The following FAF1 variants were observed in gnomAD, a reference collection of about 807,000 sequenced individuals.
FAF1 encodes FAS-associated factor 1.
In FAF1, 25 loss-of-function variants were observed where a neutral mutation model predicts 92.5. That is an observed-to-expected ratio of 0.27 (90% CI 0.20 to 0.38). FAF1 has a LOEUF of 0.38. FAF1 is among the 10% of genes least tolerant of loss of function. The pLI, the probability that FAF1 is intolerant of heterozygous loss-of-function variation, is 1.00. For missense variants in FAF1, 636 were observed against 793.3 expected, an observed-to-expected ratio of 0.80 and a Z score of 2.38; for synonymous variants, 234 against 273.2, an observed-to-expected ratio of 0.86 and a Z score of 1.42.
chr1:50,818,271 G>T (rs1557542345), intron 2 of FAF1, among the ~76,000 whole-genome samples: 1 of 152,168 alleles, frequency 6.6e-6, no homozygotes. Flanking sequence ...GGAACAAGTG[G>T]AACTCTCATA....
chr1:50,927,656 G>A (rs77685156), intron 1 of FAF1, among the ~76,000 whole-genome samples: 1 of 152,000 alleles, frequency 6.6e-6, no homozygotes, highest in Non-Finnish European at 1.5e-5. Context: ...AAAGGTGAGG[G>A]GTAATTGAAT....
chr1:50,643,300 T>A (rs1439989864), intron 8 of FAF1, among the ~76,000 whole-genome samples: 1 of 152,194 alleles, frequency 6.6e-6, no homozygotes, highest in Admixed American at 6.5e-5. Context: ...TCATTTATAA[T>A]GTAGGATCAC....
intron 7 of FAF1, among the ~76,000 whole-genome samples, chr1:50,683,593 T>C (rs571728140): frequency 6.6e-6 from 1 of 151,932 alleles, no homozygotes; most frequent in East Asian, 1.9e-4. Context: ...ATAAAACTGA[T>C]AGGAACCTTA....
chr1:50,719,036 T>A (rs1658302985), intron 6 of FAF1, among the ~76,000 whole-genome samples: 1 of 152,222 alleles, frequency 6.6e-6, no homozygotes, highest in Non-Finnish European at 1.5e-5. Flanking sequence ...AATGACAGAT[T>A]AGGTTCAAAT....
At chr1:50,500,749 A>C (rs1227080499) in intron 15 of FAF1, among the ~76,000 whole-genome samples, 1 of 152,148 alleles carries the variant, frequency 6.6e-6, no homozygotes, top group South Asian at 2.1e-4. Flanking sequence ...TACCCCATAA[A>C]TATGTACAAC....
chr1:50,446,921 A>G (rs1646233353), intron 18 of FAF1, among the ~76,000 whole-genome samples: 1 of 147,672 alleles, frequency 6.8e-6, no homozygotes, highest in South Asian at 2.1e-4. Flanking sequence ...GGATTTGTCT[A>G]TGATCACATA....
Position 50,861,942 on chromosome 1 carries a change from C to G in FAF1, c.46-3945G>C, listed in dbSNP as rs540377938. Among the ~76,000 whole-genome samples, 13 of 151,850 alleles carry G rather than the reference C, an allele frequency of 8.6e-5. No individual in the cohort carries two copies. In the South Asian group the frequency reaches 1.0e-3, roughly 12 times the overall value. On this transcript the variant is annotated intron_variant, in intron 1 of 18. Coordinates refer to ENST00000396153, the MANE Select transcript of FAF1 (RefSeq NM_007051.3). ...GATGACACACAATCAGCTTTCAGAA[C>G]TACAAGGAGATAAATGTCATTTGTT...
intron 7 of FAF1, among the ~76,000 whole-genome samples, chr1:50,670,444 A>G (rs986754965): frequency 2.6e-5 from 4 of 152,102 alleles, no homozygotes; most frequent in African/African-American, 9.7e-5. Context: ...TGGACAATAT[A>G]TTGATATTAC....
intron 15 of FAF1, among the ~76,000 whole-genome samples, chr1:50,497,372 G>GA (rs150581209): frequency 2.0e-5 from 3 of 151,674 alleles, no homozygotes; most frequent in Non-Finnish European, 2.9e-5. Flanking sequence ...TATAAAACCT[G>GA]AAAAAATTCA....
intron 7 of FAF1, among the ~76,000 whole-genome samples, chr1:50,659,137 C>G (rs897554306): frequency 2.0e-5 from 3 of 151,732 alleles, no homozygotes; most frequent in Non-Finnish European, 4.4e-5. Context: ...TGATAAAATA[C>G]AGCTTTGTAT....
At chr1:50,691,832 T>G (rs1656942594) in intron 7 of FAF1, among the ~76,000 whole-genome samples, 1 of 152,190 alleles carries the variant, frequency 6.6e-6, no homozygotes. Context: ...TTTTTCTTTG[T>G]TTTAATTGAC....
chr1:50,574,328 G>A (rs549107266), intron 12 of FAF1, among the ~76,000 whole-genome samples: 1 of 152,342 alleles, frequency 6.6e-6, no homozygotes, highest in South Asian at 2.1e-4. Flanking sequence ...GCAAGTTACA[G>A]AGAAGCAGGC....
At chr1:50,885,957 G>A (rs564980355) in intron 1 of FAF1, among the ~76,000 whole-genome samples, 27 of 152,130 alleles carry the variant, frequency 1.8e-4, no homozygotes, top group South Asian at 2.1e-4. Context: ...ACAAAAAAAA[G>A]AAGCAAAAAG....
chr1:50,536,775 T>C (rs997850559), intron 14 of FAF1, among the ~76,000 whole-genome samples: 5 of 152,170 alleles, frequency 3.3e-5, no homozygotes, highest in Admixed American at 3.3e-4. Context: ...TTAATGAATA[T>C]TTATTCAATA....
At chr1:50,549,193 C>T (rs75900179) in intron 13 of FAF1, among the ~76,000 whole-genome samples, 2,478 of 152,236 alleles carry the variant, frequency 0.016, 74 homozygotes, top group African/African-American at 0.055. Context: ...AGATAACGTC[C>T]TACTCAGAGC....
intron 4 of FAF1, among the ~76,000 whole-genome samples, chr1:50,760,555 A>T (rs11488180): frequency 6.6e-6 from 1 of 152,220 alleles, no homozygotes; most frequent in Non-Finnish European, 1.5e-5. Context: ...GCTCAACTAC[A>T]TGGAAACTGA....
At chr1:50,445,809 T>TAC (rs1376549759) in intron 18 of FAF1, among the ~76,000 whole-genome samples, 1 of 152,232 alleles carries the variant, frequency 6.6e-6, no homozygotes, top group Non-Finnish European at 1.5e-5. Flanking sequence ...TTCTTCACTA[T>TAC]ACTTAGAAAA....
intron 7 of FAF1, among the ~76,000 whole-genome samples, chr1:50,679,800 A>C (rs1656341563): frequency 6.6e-6 from 1 of 152,244 alleles, no homozygotes; most frequent in Non-Finnish European, 1.5e-5. Context: ...CTAAATGCAA[A>C]TACTAAAACA....
chr1:50,908,229 C>A (rs1644855722), intron 1 of FAF1, among the ~76,000 whole-genome samples: 1 of 152,182 alleles, frequency 6.6e-6, no homozygotes, highest in Admixed American at 6.5e-5. Context: ...GCACTGTGGT[C>A]TGAGAGACAG....
Sources: allele counts gnomAD v4.1 joint callset (sites outside exome capture counted in the v4.1 genomes callset), GRCh38; gene constraint gnomAD v4.1.1; transcripts MANE v1.5; gene names NCBI Gene and HGNC (gene_info 2026-07-23, HGNC 2026-07-21).